KLF8: variants seen among roughly 807,000 people sequenced by gnomAD.
KLF8 encodes the protein KLF transcription factor 8.
Under a neutral mutation model 18.2 loss-of-function variants are expected in KLF8, and 10 were observed. The ratio of observed to expected loss-of-function variants is 0.55; its 90% confidence interval spans 0.34 to 0.93. The LOEUF (loss-of-function observed/expected upper bound fraction) is 0.93. Ranked by LOEUF, KLF8 falls within the 40% of genes least tolerant of loss-of-function variation. The probability of loss-of-function intolerance (pLI) is 0.02; values close to 1 mark genes in which losing one functional copy is unlikely to be tolerated. For missense variants in KLF8, 264 were observed against 277.9 expected (o/e 0.95, Z 0.36); for synonymous variants, 109 against 97.3 (o/e 1.12, Z -0.71).
the KLF8 span, among the ~76,000 whole-genome samples, chrX:55,939,497 T>G: frequency 2.0e-4 from 22 of 110,944 alleles, no homozygotes; most frequent in Non-Finnish European, 3.8e-4. Context: ...ACGTTCAAAA[T>G]CTAGCAGAAG....
the KLF8 span, among the ~76,000 whole-genome samples, chrX:56,047,303 A>G: frequency 9.2e-6 from 1 of 108,789 alleles, no homozygotes; most frequent in African/African-American, 3.4e-5. Flanking sequence ...TTTAGGGTAC[A>G]TGTGCACAAT....
chrX:56,177,637 A>G, the KLF8 span, among the ~76,000 whole-genome samples: 3 of 111,632 alleles, frequency 2.7e-5, no homozygotes, highest in African/African-American at 9.8e-5. Flanking sequence ...GCTGTCAGAC[A>G]GGGACATTTA....
chrX:56,235,553 A>G (rs2066463824), intron 1 of KLF8, among the ~76,000 whole-genome samples: 1 of 108,218 alleles, frequency 9.2e-6, no homozygotes, highest in Non-Finnish European at 1.9e-5. Flanking sequence ...AGTAGCTGGG[A>G]TTACAGGCAT....
the KLF8 span, among the ~76,000 whole-genome samples, chrX:56,152,962 G>A: frequency 1.8e-5 from 2 of 111,643 alleles, no homozygotes; most frequent in Non-Finnish European, 3.8e-5. Flanking sequence ...TTGAGCAATA[G>A]CTCTGAAACT....
the KLF8 span, among the ~76,000 whole-genome samples, chrX:56,153,066 T>C: frequency 8.9e-6 from 1 of 112,131 alleles, no homozygotes; most frequent in South Asian, 3.7e-4. Flanking sequence ...TTTACCATAG[T>C]GGAAATACCA....
At chrX:56,251,485 C>T (rs756550784) in intron 2 of KLF8, among the ~76,000 whole-genome samples, 24 of 109,960 alleles carry the variant, frequency 2.2e-4, no homozygotes, top group Non-Finnish European at 2.1e-4. Context: ...TTATTTGAGA[C>T]GGAGTCTCGC....
In KLF8 at chrX:56,284,654, G is replaced by T. The variant is rs2067248901; in HGVS notation, c.*160G>T. On this transcript the variant is annotated 3_prime_UTR_variant, in exon 6 of 6. Transcript: ENST00000468660. ...TGGAGGAAAAGAGAGCTGGTCTCCC[G>T]TGGGGCTCTTCATATTCTACCTTCA... The T allele has an allele frequency of 2.7e-6, 1 of 371,854 alleles. No homozygotes were observed. Among genetic ancestry groups the T allele is most frequent in the Admixed American group, 5.5e-5 (1 of 18,071 alleles). 30.6% of individuals were successfully genotyped at this position (371,854 alleles called of 1,213,427 possible).
At chrX:56,030,306 G>A in the KLF8 span, among the ~76,000 whole-genome samples, 2 of 111,167 alleles carry the variant, frequency 1.8e-5, no homozygotes, top group Non-Finnish European at 3.8e-5. Flanking sequence ...GTATTCCTGG[G>A]GATTTTGGTA....
At chrX:56,240,556 T>A (rs1434329645) in intron 1 of KLF8, among the ~76,000 whole-genome samples, 1 of 112,077 alleles carries the variant, frequency 8.9e-6, no homozygotes, top group African/African-American at 3.2e-5. Context: ...ATGCTGGAGT[T>A]GTAATTCCTA....
chrX:56,176,813 T>G, the KLF8 span, among the ~76,000 whole-genome samples: 1 of 111,808 alleles, frequency 8.9e-6, no homozygotes, highest in South Asian at 3.7e-4. Flanking sequence ...TTTTTATTCT[T>G]TTTTCTCTAA....
the KLF8 span, among the ~76,000 whole-genome samples, chrX:56,192,443 T>C: frequency 9.0e-6 from 1 of 111,676 alleles, no homozygotes; most frequent in African/African-American, 3.3e-5. Flanking sequence ...CTAATGGCAC[T>C]CTTTAGAGAA....
chrX:56,073,017 C>T, the KLF8 span, among the ~76,000 whole-genome samples: 1 of 102,628 alleles, frequency 9.7e-6, no homozygotes, highest in Non-Finnish European at 2.0e-5. Context: ...GACGGAGTCT[C>T]ACTCTGTCGC....
At chrX:56,196,920 T>C in the KLF8 span, among the ~76,000 whole-genome samples, 1 of 111,666 alleles carries the variant, frequency 9.0e-6, no homozygotes, top group African/African-American at 3.2e-5. Flanking sequence ...GCAATCAAAT[T>C]AGAACTTAGG....
chrX:55,926,778 A>G, the KLF8 span, among the ~76,000 whole-genome samples: 1 of 110,050 alleles, frequency 9.1e-6, no homozygotes, highest in African/African-American at 3.3e-5. Flanking sequence ...AAGCAGCCCA[A>G]TTTTTTTTTG....
At chrX:56,195,450 T>C in the KLF8 span, among the ~76,000 whole-genome samples, 2 of 111,977 alleles carry the variant, frequency 1.8e-5, no homozygotes, top group South Asian at 3.7e-4. Context: ...CAAGCTTCAA[T>C]ACCCGATTCA....
the KLF8 span, among the ~76,000 whole-genome samples, chrX:55,984,693 A>G: frequency 1.2e-4 from 13 of 111,278 alleles, no homozygotes; most frequent in East Asian, 3.7e-3. Context: ...TCTTTGAGGA[A>G]TCGCCACACT....
the KLF8 span, among the ~76,000 whole-genome samples, chrX:55,975,955 T>C: frequency 9.1e-6 from 1 of 110,304 alleles, no homozygotes; most frequent in African/African-American, 3.3e-5. Context: ...ACTAAAAATA[T>C]AAAATTAGCC....
the KLF8 span, among the ~76,000 whole-genome samples, chrX:56,149,975 A>T: frequency 8.9e-6 from 1 of 111,839 alleles, no homozygotes. Context: ...ACTTCATGTA[A>T]TTCAAAAGAT....
the KLF8 span, among the ~76,000 whole-genome samples, chrX:56,110,373 T>G: frequency 8.0e-5 from 9 of 112,035 alleles, no homozygotes; most frequent in Non-Finnish European, 1.7e-4. Flanking sequence ...AACCTAAGTC[T>G]ATTGCGAATA....
Sources: gnomAD v4.1 joint callset for allele counts (sites outside exome capture counted in the v4.1 genomes callset) on GRCh38, gnomAD v4.1.1 for gene constraint, MANE v1.5 for transcripts, NCBI Gene and HGNC (gene_info 2026-07-23, HGNC 2026-07-21) for gene names.